The following GPR161 variants were observed in gnomAD, a reference collection of about 807,000 sequenced individuals.
The protein encoded by GPR161 is G-protein coupled receptor RE2.
Under a neutral mutation model 39.2 loss-of-function variants are expected in GPR161, and 25 were observed. The observed-to-expected ratio is 0.64, with a 90% CI of 0.47 to 0.89. The LOEUF is 0.89. Ranked by LOEUF, GPR161 falls within the 40% of genes least tolerant of loss-of-function variation. The pLI is 0.00. For missense variants in GPR161, 547 were observed against 677.8 expected (o/e 0.81, Z 2.14); for synonymous variants, 286 against 276.6 (o/e 1.03, Z -0.34).
upstream of GPR161, chr1:168,136,960 C>G (rs1470884433): frequency 2.6e-5 from 24 of 934,026 alleles, no homozygotes; most frequent in Non-Finnish European, 2.9e-5. Flanking sequence ...CCCGCCCCGC[C>G]CCCCCCACGC....
chr1:168,129,340 A>C (rs555082832), intron 1 of GPR161, among the ~76,000 whole-genome samples: 1 of 152,314 alleles, frequency 6.6e-6, no homozygotes, highest in East Asian at 1.9e-4. Context: ...GAAGAAGAGA[A>C]CAGCAGACTT....
rs764246824 is a variant in GPR161, at chr1:168,087,673, C to T, written c.1236G>A (p.Thr412=). 1.2e-5 allele frequency: 19 copies of T among 1,613,746 alleles called. No individual in the cohort carries two copies. Among genetic ancestry groups the T allele is most frequent in the East Asian group, 4.5e-5 (2 of 44,900 alleles). ...AGTGAGAGGGAGGGTTGTCATCAGACGTGTAGTCCTCAAGCAGCATCATAT... is the reference window on the plus strand; with the variant it reads ...AGTGAGAGGGAGGGTTGTCATCAGATGTGTAGTCCTCAAGCAGCATCATAT... ...GTDMMLLEDY[T]SDDNPPSHCT... Residue 412 remains threonine, a synonymous_variant, in exon 5 of 6, where the codon ACG becomes ACA. Coordinates refer to ENST00000682931, the MANE Select transcript of GPR161 (RefSeq NM_001375883.1).
In GPR161 at chr1:168,080,240, C is replaced by T. The variant is rs926301994; in HGVS notation, c.*5291G>A. On this transcript the variant is annotated 3_prime_UTR_variant, in exon 6 of 6. Coordinates refer to ENST00000682931, the MANE Select transcript of GPR161 (RefSeq NM_001375883.1). ...CTTGGTTTATAATAGTTCTACATAC[C>T]TAATAAAGCCCTGCTGGCCTGTTCT... 9.9e-5 allele frequency: 15 copies of T among 152,090 alleles called. No homozygotes were observed. The highest frequency in any genetic ancestry group is 3.6e-4 in the African/African-American group (15 of 41,412). The allele number at this position is 152,090 out of a possible 1,614,324, so 9.4% of individuals were successfully genotyped here.
rs1694677004 is a variant in GPR161, at chr1:168,087,713, AC to A, written c.1205-10del. On this transcript the variant is annotated splice_polypyrimidine_tract_variant and intron_variant, in intron 4 of 5. Coordinates refer to ENST00000682931, the MANE Select transcript of GPR161 (RefSeq NM_001375883.1). Reference sequence around the variant, plus strand: ...CAGCATCATATCTGTCCCTAAAACAACGGGCAGATTGTGCATATGTAACTAC... The same window carrying A: ...CAGCATCATATCTGTCCCTAAAACAAGGGCAGATTGTGCATATGTAACTAC... 2 of 1,605,994 alleles carry A rather than the reference AC, an allele frequency of 1.2e-6. No homozygotes were observed. The highest frequency in any genetic ancestry group is 1.7e-5 in the Admixed American group (1 of 59,376).
Position 168,130,605 on chromosome 1 carries a change from C to G in GPR161, c.-45+6134G>C, listed in dbSNP as rs148932563. Among the ~76,000 whole-genome samples, 41 of 152,310 alleles carry G rather than the reference C, an allele frequency of 2.7e-4. No homozygotes were observed. The East Asian group carries it at 7.9e-3, about 29-fold the overall frequency. On this transcript the variant is annotated intron_variant, in intron 1 of 5. Transcript: ENST00000682931. Reference sequence around the variant, plus strand: ...ATTTGAATGGATATTCTACCACTTGCAAAAGAAAGACTCCTATCTGATACC... The same window carrying G: ...ATTTGAATGGATATTCTACCACTTGGAAAAGAAAGACTCCTATCTGATACC...
chr1:168,083,553 C>G lies in GPR161; in HGVS notation c.*1978G>C, dbSNP rs1694221899. 6.6e-6 allele frequency: 1 copy of G among 152,154 alleles called. No homozygotes were observed. Among genetic ancestry groups the G allele is most frequent in the Admixed American group, 6.5e-5 (1 of 15,276 alleles). The allele number at this position is 152,154 out of a possible 1,614,324, so 9.4% of individuals were successfully genotyped here. A position where few individuals can be genotyped will look rare whatever the true frequency, so the allele number is the denominator to read the frequency against. On this transcript the variant is annotated 3_prime_UTR_variant, in exon 6 of 6. Transcript: ENST00000682931. ...GAATATGGTCCCTTCAGAAAGTAGA[C>G]AAGTGCTAGAAAAAAATATATACAG...
chr1:168,081,062 C>T lies in GPR161; in HGVS notation c.*4469G>A, dbSNP rs1411529839. 1 of 152,104 alleles carries T rather than the reference C, an allele frequency of 6.6e-6. No homozygotes were observed. The highest frequency in any genetic ancestry group is 1.5e-5 in the Non-Finnish European group (1 of 68,058). The allele number at this position is 152,104 out of a possible 1,614,324, so 9.4% of individuals were successfully genotyped here. ...TATTTTTAGTAGAGACGGGGTTTCTCCATATTGGTCAGGCTGGTCTCGAAC... is the reference window on the plus strand; with the variant it reads ...TATTTTTAGTAGAGACGGGGTTTCTTCATATTGGTCAGGCTGGTCTCGAAC... On this transcript the variant is annotated 3_prime_UTR_variant, in exon 6 of 6. Coordinates refer to ENST00000682931, the MANE Select transcript of GPR161 (RefSeq NM_001375883.1).
At chr1:168,090,743 A>T in intron 3 of GPR161, 75 bp from the exon 4 acceptor site, 2 of 672,740 alleles carry the variant, frequency 3.0e-6, no homozygotes, top group Non-Finnish European at 5.1e-6. Context: ...TTCCCCACAG[A>T]CCCATCTCCT....
intron 4 of GPR161, chr1:168,088,043 G>A (rs1694715262): frequency 4.6e-6 from 1 of 218,326 alleles, no homozygotes. Flanking sequence ...GTAGAGGAGA[G>A]GGTCCTACTA....
In GPR161 at chr1:168,106,906, T is replaced by C. The variant is rs146520143; in HGVS notation, c.-44-2012A>G. On this transcript the variant is annotated intron_variant, in intron 1 of 5. Coordinates refer to ENST00000682931, the MANE Select transcript of GPR161 (RefSeq NM_001375883.1). ...TGTCTGTGTCTTTGTAAGGTTGTTT[T>C]TGGTTTTTGCCTTTAGTTGGCGAGT... is the stretch of plus-strand genomic sequence containing the variant. 2.3e-3 allele frequency among the ~76,000 whole-genome samples: 354 copies of C among 152,312 alleles called. 1 individual carries two copies. Among genetic ancestry groups the C allele is most frequent in the African/African-American group, 7.9e-3 (330 of 41,574 alleles).
At chr1:168,123,579 C>CACACACACACAT (rs796208020) in intron 1 of GPR161, among the ~76,000 whole-genome samples, 5 of 147,868 alleles carry the variant, frequency 3.4e-5, no homozygotes, top group South Asian at 2.2e-4. Flanking sequence ...CACACACACA[C>CACACACACACAT]TTGTTTGCAT....
intron 4 of GPR161, among the ~76,000 whole-genome samples, chr1:168,090,119 A>G (rs369978051): frequency 1.2e-4 from 18 of 152,282 alleles, no homozygotes; most frequent in African/African-American, 4.3e-4. Flanking sequence ...TAGTACCCCC[A>G]TTTCACAGAT....
intron 1 of GPR161, among the ~76,000 whole-genome samples, chr1:168,116,178 G>GA (rs1349545199): frequency 1.1e-4 from 16 of 152,334 alleles, no homozygotes; most frequent in African/African-American, 4.8e-5. Flanking sequence ...CTTTAGAGCA[G>GA]AATGCACCAC....
chr1:168,134,823 A>G, intron 1 of GPR161: 1 of 1,257,044 alleles, frequency 8.0e-7, no homozygotes, highest in Non-Finnish European at 1.1e-6. Flanking sequence ...GCTCCCACCC[A>G]GCCCTCCTGT....
chr1:168,091,381 T>C (rs1695050136), intron 3 of GPR161, among the ~76,000 whole-genome samples: 1 of 152,166 alleles, frequency 6.6e-6, no homozygotes, highest in Non-Finnish European at 1.5e-5. Flanking sequence ...ACATATTAAG[T>C]AGTGGGACCC....
chr1:168,119,268 G>GTATATA (rs1558130126), intron 1 of GPR161, among the ~76,000 whole-genome samples: 1 of 100,196 alleles, frequency 1.0e-5, no homozygotes, highest in African/African-American at 5.1e-5. Context: ...GTATATATAT[G>GTATATA]TGTATATATA....
intron 5 of GPR161, among the ~76,000 whole-genome samples, chr1:168,087,290 C>T (rs1694602487): frequency 6.6e-6 from 1 of 152,248 alleles, no homozygotes; most frequent in Non-Finnish European, 1.5e-5. Context: ...TCAGTTATAA[C>T]CATACCTCAC....
In GPR161 at chr1:168,085,567, G is replaced by A. The variant is rs757739221; in HGVS notation, c.1554C>T (p.Ile518=). Residue 518 remains isoleucine (I), a synonymous_variant, in exon 6 of 6, where the codon ATC becomes ATT. Coordinates refer to ENST00000682931, the MANE Select transcript of GPR161 (RefSeq NM_001375883.1). ...CGGCAGCTAAAACATCTCCTTCTTCGATGCTCTGCAACTGCAGCCTCTGGC... is the reference window on the plus strand; with the variant it reads ...CGGCAGCTAAAACATCTCCTTCTTCAATGCTCTGCAACTGCAGCCTCTGGC... ...LVSQRLQLQS[I]EEGDVLAAEQ... is the part of the protein sequence containing the mutation. The A allele has an allele frequency of 1.5e-5, 24 of 1,613,786 alleles. No homozygotes were observed. The highest frequency in any genetic ancestry group is 5.5e-5 in the South Asian group (5 of 91,074).
At chr1:168,102,212 C>A (rs1696170078) in intron 2 of GPR161, among the ~76,000 whole-genome samples, 1 of 152,238 alleles carries the variant, frequency 6.6e-6, no homozygotes, top group African/African-American at 2.4e-5. Context: ...ACAGAAGCTG[C>A]TCCTTCAGTC....
Sources: gnomAD v4.1 joint callset for allele counts (sites outside exome capture counted in the v4.1 genomes callset) on GRCh38, gnomAD v4.1.1 for gene constraint, MANE v1.5 for transcripts, NCBI Gene and HGNC (gene_info 2026-07-23, HGNC 2026-07-21) for gene names.